ITPR2: variants seen among roughly 807,000 people sequenced by gnomAD.
ITPR2 encodes inositol 1,4,5-trisphosphate receptor type 2, also known as inositol 1,4,5-trisphosphate-gated calcium channel ITPR2.
Under a neutral mutation model 317.1 loss-of-function variants are expected in ITPR2, and 207 were observed. The ratio of observed to expected loss-of-function variants is 0.65; its 90% confidence interval spans 0.58 to 0.73. The LOEUF (loss-of-function observed/expected upper bound fraction) is 0.73. ITPR2 is among the 30% of genes least tolerant of loss of function. The probability of loss-of-function intolerance (pLI) is 0.00; values close to 1 mark genes in which losing one functional copy is unlikely to be tolerated. For synonymous variants in ITPR2, 1,156 were observed against 1,149.1 expected, an observed-to-expected ratio of 1.01 and a Z score of -0.12; for missense variants, 2,613 against 3,284.0, an observed-to-expected ratio of 0.80 and a Z score of 4.99.
intron 30 of ITPR2, among the ~76,000 whole-genome samples, chr12:26,598,896 A>T (rs1397052777): frequency 6.6e-6 from 1 of 152,232 alleles, no homozygotes; most frequent in East Asian, 1.9e-4. Context: ...ATAGGATTTT[A>T]CCCATTTTTT....
chr12:26,486,409 T>C, intron 40 of ITPR2, 49 bp from the exon 41 acceptor site: 1 of 1,262,930 alleles, frequency 7.9e-7, no homozygotes, highest in South Asian at 1.6e-5. Flanking sequence ...TTGCTTTTAC[T>C]AATTAAAAAA....
At chr12:26,380,470 C>A (rs16930563) in intron 55 of ITPR2, among the ~76,000 whole-genome samples, 1 of 152,040 alleles carries the variant, frequency 6.6e-6, no homozygotes, top group Non-Finnish European at 1.5e-5. Flanking sequence ...TCTCCCTGAA[C>A]GCTCAAATTT....
intron 1 of ITPR2, among the ~76,000 whole-genome samples, chr12:26,818,459 A>G (rs1277345825): frequency 1.3e-5 from 2 of 152,258 alleles, no homozygotes; most frequent in East Asian, 3.8e-4. Context: ...AAGGAGGCTC[A>G]TTCTTCGCAT....
intron 2 of ITPR2, among the ~76,000 whole-genome samples, chr12:26,754,857 T>C (rs1476339249): frequency 6.6e-6 from 1 of 152,214 alleles, no homozygotes; most frequent in Admixed American, 6.5e-5. Context: ...TACAGGGTTA[T>C]AAAAGGTTTA....
rs1187797330 is a variant in ITPR2, at chr12:26,831,809, TATATAA to T, written c.92+875_92+880del. Among the ~76,000 whole-genome samples, 3 of 141,344 alleles carry T rather than the reference TATATAA, an allele frequency of 2.1e-5. No individual in the cohort carries two copies. Among genetic ancestry groups the T allele is most frequent in the African/African-American group, 8.2e-5 (3 of 36,692 alleles). The allele number at this position is 141,344 out of a possible 152,430, so 92.7% of individuals were successfully genotyped here. Reference sequence around the variant, plus strand: ...ATATAAATATATATTATACATAAAATATATAAATATATATTATACATAAAATATATA... The same window carrying T: ...ATATAAATATATATTATACATAAAATATATATATTATACATAAAATATATA... On this transcript the variant is annotated intron_variant, in intron 1 of 56. Transcript: ENST00000381340. The surrounding 1 kb of genome is among the most constrained non-coding windows in gnomAD (Gnocchi z 4.9).
At chr12:26,436,391 T>C in intron 47 of ITPR2, 45 bp from the exon 48 acceptor site, 1 of 1,566,754 alleles carries the variant, frequency 6.4e-7, no homozygotes, top group South Asian at 1.2e-5. Context: ...AAAATACATT[T>C]TGGTTTCAAC....
chr12:26,778,348 C>T (rs35426482), intron 2 of ITPR2, among the ~76,000 whole-genome samples: 55,743 of 152,158 alleles, frequency 0.37, 12,700 homozygotes, highest in Non-Finnish European at 0.53. Flanking sequence ...TTCAACTCCC[C>T]TATCTGGCCT....
At chr12:26,783,722 A>G (rs1950138501) in intron 2 of ITPR2, among the ~76,000 whole-genome samples, 3 of 152,248 alleles carry the variant, frequency 2.0e-5, no homozygotes. Flanking sequence ...ATATGAGGGC[A>G]TAATACCCTC....
At chr12:26,490,367 C>G (rs1942770578) in intron 39 of ITPR2, among the ~76,000 whole-genome samples, 1 of 152,222 alleles carries the variant, frequency 6.6e-6, no homozygotes, top group African/African-American at 2.4e-5. Flanking sequence ...TAGGACCATT[C>G]ATTCACAGAA....
chr12:26,371,674 G>A (rs1301238677), intron 55 of ITPR2, among the ~76,000 whole-genome samples: 2 of 152,188 alleles, frequency 1.3e-5, no homozygotes, highest in African/African-American at 2.4e-5. Flanking sequence ...AGAAGATCAG[G>A]AAGGCTGAGC....
At chr12:26,567,583 A>G (rs577853978) in intron 34 of ITPR2, among the ~76,000 whole-genome samples, 2 of 152,142 alleles carry the variant, frequency 1.3e-5, no homozygotes, top group Non-Finnish European at 2.9e-5. Flanking sequence ...AAAATTAACT[A>G]TGCAATTGAG....
intron 19 of ITPR2, 107 bp downstream of exon 19, chr12:26,656,190 C>T: frequency 7.2e-7 from 1 of 1,384,896 alleles, no homozygotes; most frequent in Non-Finnish European, 1.0e-6. Flanking sequence ...CAACCCAAGA[C>T]AGGATACACA....
chr12:26,774,919 C>T (rs1441112783), intron 2 of ITPR2, among the ~76,000 whole-genome samples: 1 of 152,192 alleles, frequency 6.6e-6, no homozygotes, highest in Admixed American at 6.5e-5. Flanking sequence ...CCCCAGCCTT[C>T]CTGTCCTTCG....
At chr12:26,790,274 A>G (rs778843914) in intron 1 of ITPR2, 47 bp from the exon 2 acceptor site, 3 of 1,425,082 alleles carry the variant, frequency 2.1e-6, no homozygotes, top group Non-Finnish European at 9.9e-7. Flanking sequence ...TGTCATATTC[A>G]TAAACCACAG....
rs145350655 is a variant in ITPR2 at position 26,425,386 on chromosome 12, C to T, written c.6945+2527G>A. Among the ~76,000 whole-genome samples, 1,109 of 152,072 alleles carry T rather than the reference C, an allele frequency of 7.3e-3. 14 individuals are homozygous for T. The highest frequency in any genetic ancestry group is 0.024 in the African/African-American group (996 of 41,490). On this transcript the variant is annotated intron_variant, in intron 49 of 56. Transcript: ENST00000381340. ...TTTTTTTTGGTCAAAATGCTCTGAG[C>T]GGCCAGGCGCAGTGGCTCACGCATG...
At chr12:26,403,282 G>C (rs1391699670) in intron 52 of ITPR2, among the ~76,000 whole-genome samples, 2 of 152,146 alleles carry the variant, frequency 1.3e-5, no homozygotes, top group Non-Finnish European at 2.9e-5. Context: ...GAGAAGAAAC[G>C]CAAGAGGGTA....
intron 21 of ITPR2, among the ~76,000 whole-genome samples, chr12:26,640,581 TC>T (rs1245022927): frequency 6.6e-6 from 1 of 151,968 alleles, no homozygotes; most frequent in African/African-American, 2.4e-5. Flanking sequence ...TTGATAATTT[TC>T]CCCCCAGTAT....
At chr12:26,516,245 A>AGGAAAGGAAAGGAAAGGAAGGGAAG in intron 37 of ITPR2, among the ~76,000 whole-genome samples, 6 of 29,024 alleles carry the variant, frequency 2.1e-4, no homozygotes, top group Non-Finnish European at 3.5e-4. Context: ...AGGAAAGGAA[A>AGGAAAGGAAAGGAAAGGAAGGGAAG]GGAAAGGAAA....
At chr12:26,552,952 T>C (rs1222456566) in intron 36 of ITPR2, among the ~76,000 whole-genome samples, 1 of 152,182 alleles carries the variant, frequency 6.6e-6, no homozygotes, top group African/African-American at 2.4e-5. Context: ...GGCCACATAA[T>C]GTTTGGTTGA....
Sources: gnomAD v4.1 joint callset for allele counts (sites outside exome capture counted in the v4.1 genomes callset) on GRCh38, gnomAD v4.1.1 for gene constraint, Gnocchi (gnomAD v3.1) non-coding constraint, MANE v1.5 for transcripts, NCBI Gene and HGNC (gene_info 2026-07-23, HGNC 2026-07-21) for gene names.